TMEM131: variants seen among roughly 807,000 people sequenced by gnomAD.
The protein encoded by TMEM131 is 2610524E03Rik.
A neutral mutation model predicts 211.6 loss-of-function variants in TMEM131; 66 were observed. The ratio of observed to expected loss-of-function variants is 0.31; its 90% CI spans 0.26 to 0.38. The LOEUF (loss-of-function observed/expected upper bound fraction) is 0.38, where lower values mean the gene tolerates loss of function less well. TMEM131 is among the 10% of genes least tolerant of loss of function. The pLI, the probability that TMEM131 is intolerant of heterozygous loss-of-function variation, is 1.00. For missense variants in TMEM131, 2,036 were observed against 2,299.3 expected (o/e 0.89, Z 2.34); for synonymous variants, 844 against 841.3 (o/e 1.00, Z -0.06).
chr2:97,915,073 A>G (rs950392718), intron 2 of TMEM131, among the ~76,000 whole-genome samples: 18 of 152,122 alleles, frequency 1.2e-4, no homozygotes, highest in African/African-American at 4.1e-4. Flanking sequence ...TTGGGTTTTA[A>G]TTTGCATTGC....
intron 2 of TMEM131, among the ~76,000 whole-genome samples, chr2:97,925,183 T>A (rs1423493643): frequency 6.6e-6 from 1 of 152,192 alleles, no homozygotes; most frequent in African/African-American, 2.4e-5. Flanking sequence ...TGCCTCTATT[T>A]TTTTTAAAAA....
intron 40 of TMEM131, among the ~76,000 whole-genome samples, chr2:97,757,845 T>C (rs1280175656): frequency 6.6e-6 from 1 of 152,198 alleles, no homozygotes; most frequent in Admixed American, 6.5e-5. Flanking sequence ...GAGCCTCAAA[T>C]AGTTACTATC....
At chr2:97,793,331 T>G in intron 30 of TMEM131, 64 bp downstream of exon 30, 2 of 1,490,066 alleles carry the variant, frequency 1.3e-6, no homozygotes, top group Non-Finnish European at 1.8e-6. Context: ...ACTTATTTTT[T>G]ATTGTAATTT....
At chr2:97,954,333 A>C (rs982616239) in intron 1 of TMEM131, among the ~76,000 whole-genome samples, 2 of 152,252 alleles carry the variant, frequency 1.3e-5, no homozygotes, top group African/African-American at 4.8e-5. Context: ...GGATAGCTTC[A>C]TACTATAGCC....
chr2:97,885,388 G>T (rs1251285701), intron 4 of TMEM131, among the ~76,000 whole-genome samples: 1 of 150,110 alleles, frequency 6.7e-6, no homozygotes, highest in East Asian at 1.9e-4. Flanking sequence ...TAGAGACGGG[G>T]TTTCACCATG....
intron 33 of TMEM131, among the ~76,000 whole-genome samples, chr2:97,769,443 T>C (rs1048365295): frequency 2.0e-5 from 3 of 152,168 alleles, no homozygotes; most frequent in African/African-American, 7.2e-5. Flanking sequence ...AGTACACATT[T>C]CTGTCTGGGG....
intron 4 of TMEM131, among the ~76,000 whole-genome samples, chr2:97,873,980 A>AT (rs1674590761): frequency 6.6e-6 from 1 of 152,246 alleles, no homozygotes; most frequent in African/African-American, 2.4e-5. Context: ...TTTGAAAAAA[A>AT]GGTTAGACAA....
At chr2:97,805,282 A>G in intron 21 of TMEM131, 77 bp from the exon 22 acceptor site, 3 of 1,559,508 alleles carry the variant, frequency 1.9e-6, no homozygotes, top group Admixed American at 1.9e-5. Context: ...TATAGTAACA[A>G]AAGACAGCAA....
chr2:97,981,245 G>C lies in TMEM131; in HGVS notation c.187+14231C>G, dbSNP rs967370363. ...ATGTAACAATTTATTCAACTATATAGGGGCATTTAGGTCATTTCCAATAGT... is the reference window on the plus strand; with the variant it reads ...ATGTAACAATTTATTCAACTATATACGGGCATTTAGGTCATTTCCAATAGT... On this transcript the variant is annotated intron_variant, in intron 1 of 40. Coordinates refer to ENST00000186436, the MANE Select transcript of TMEM131 (RefSeq NM_015348.2). 3.3e-5 allele frequency among the ~76,000 whole-genome samples: 5 copies of C among 151,784 alleles called. No homozygotes were observed. In the East Asian group the frequency reaches 9.6e-4, roughly 29 times the overall value.
chr2:97,768,127 T>A (rs1679272162), intron 33 of TMEM131, among the ~76,000 whole-genome samples: 2 of 152,246 alleles, frequency 1.3e-5, no homozygotes, highest in South Asian at 2.1e-4. Flanking sequence ...AGGTATTATA[T>A]CTGGAATTAG....
At chr2:97,811,303 G>C in intron 17 of TMEM131, 71 bp from the exon 18 acceptor site, 1 of 1,125,996 alleles carries the variant, frequency 8.9e-7, no homozygotes, top group East Asian at 2.4e-5. Flanking sequence ...TGGACATGAA[G>C]GGTGTAGCGA....
chr2:97,779,127 A>C (rs1047769383), intron 31 of TMEM131, among the ~76,000 whole-genome samples: 2 of 152,214 alleles, frequency 1.3e-5, no homozygotes, highest in Non-Finnish European at 2.9e-5. Flanking sequence ...TCTGGATAGA[A>C]CCTAGGGATT....
Position 97,757,222 on chromosome 2 carries a change from G to A in TMEM131, c.5529C>T (p.Pro1843=). 6.2e-7 allele frequency: 1 copy of A among 1,614,036 alleles called. No homozygotes were observed. Among genetic ancestry groups the A allele is most frequent in the South Asian group, 1.1e-5 (1 of 91,088 alleles). Residue 1843 remains proline, a synonymous_variant, in exon 41 of 41, where the codon CCC becomes CCT. Coordinates refer to ENST00000186436, the MANE Select transcript of TMEM131 (RefSeq NM_015348.2). ...AGTCGTCAGCTGGACTGGAGGTGGA[G>A]GGAGCGTGAGGAGCAGGGGAGTTTT... ...GTENSPAPHA[P]STSSPADDLG...
intron 33 of TMEM131, among the ~76,000 whole-genome samples, chr2:97,769,409 C>T (rs1443710745): frequency 6.6e-6 from 1 of 152,026 alleles, no homozygotes; most frequent in Non-Finnish European, 1.5e-5. Flanking sequence ...TCAAGCCTGG[C>T]CTATTTTTAT....
chr2:97,969,107 G>A (rs1338318842), intron 1 of TMEM131, among the ~76,000 whole-genome samples: 1 of 151,594 alleles, frequency 6.6e-6, no homozygotes, highest in South Asian at 2.1e-4. Context: ...AAAGGAAAAG[G>A]ATATGACAAC....
chr2:97,775,830 G>C lies in TMEM131; in HGVS notation c.4320+13C>G. The C allele has an allele frequency of 6.2e-7, 1 of 1,605,238 alleles. No individual in the cohort carries two copies. The highest frequency in any genetic ancestry group is 1.3e-5 in the African/African-American group (1 of 74,376). On this transcript the variant is annotated intron_variant, in intron 32 of 40. Coordinates refer to ENST00000186436, the MANE Select transcript of TMEM131 (RefSeq NM_015348.2). ...TTCTCCCTCGTGTTTTGTTGTGTGA[G>C]ATCAGCCCGTACCTCCTTGAGGAGC...
In TMEM131 at chr2:97,895,960, G is replaced by A. The variant is rs899091693; in HGVS notation, c.291-7840C>T. Reference sequence around the variant, plus strand: ...CTAGTTCTTTTAATTTTGATGTTATGGTGTCGATTCTAGATCTTTCCTGCT... The same window carrying A: ...CTAGTTCTTTTAATTTTGATGTTATAGTGTCGATTCTAGATCTTTCCTGCT... On this transcript the variant is annotated intron_variant, in intron 3 of 40. Coordinates refer to ENST00000186436, the MANE Select transcript of TMEM131 (RefSeq NM_015348.2). 5.3e-5 allele frequency among the ~76,000 whole-genome samples: 8 copies of A among 152,118 alleles called. No individual in the cohort carries two copies. The South Asian group carries it at 6.2e-4, about 12-fold the overall frequency.
intron 1 of TMEM131, among the ~76,000 whole-genome samples, chr2:97,975,734 A>T (rs1176054667): frequency 6.6e-6 from 1 of 152,002 alleles, no homozygotes; most frequent in South Asian, 2.1e-4. Context: ...CTTCCAAAAA[A>T]TTAAAAAGGA....
At chr2:97,769,140 A>G (rs1478593908) in intron 33 of TMEM131, among the ~76,000 whole-genome samples, 5 of 149,756 alleles carry the variant, frequency 3.3e-5, no homozygotes, top group African/African-American at 1.2e-4. Context: ...GTGCCATCAC[A>G]CCTGGCTAAT....
Sources: allele counts gnomAD v4.1 joint callset (sites outside exome capture counted in the v4.1 genomes callset), GRCh38; gene constraint gnomAD v4.1.1; transcripts MANE v1.5; gene names NCBI Gene and HGNC (gene_info 2026-07-23, HGNC 2026-07-21).